LZTR1: variants seen among roughly 807,000 people sequenced by gnomAD.
LZTR1 encodes leucine-zipper-like transcriptional regulator 1.
Under a neutral mutation model 105.7 loss-of-function variants are expected in LZTR1, and 260 were observed. The ratio of observed to expected loss-of-function variants is 2.46; its 90% CI spans 2.22 to 2.72. The LOEUF is 2.72. Ranked by LOEUF, LZTR1 falls within the 30% of genes most tolerant of loss-of-function variation. The pLI, the probability that LZTR1 is intolerant of heterozygous loss-of-function variation, is 0.00. For synonymous variants in LZTR1, 490 were observed against 476.4 expected (o/e 1.03, Z -0.37); for missense variants, 1,214 against 1,166.9 (o/e 1.04, Z -0.59).
In LZTR1 at chr22:20,995,815, T is replaced by G; in HGVS notation, c.2012T>G (p.Leu671Arg). The change falls in exon 17 of 21, where the codon CTG becomes CGG. Residue 671 changes from leucine (L) to arginine (R), a missense_variant. Physicochemically the swap from Leu to Arg is moderately radical, Grantham distance 102. Coordinates refer to ENST00000646124, the MANE Select transcript of LZTR1 (RefSeq NM_006767.4). Reference protein sequence around the residue: ...GAGAEFCDITLLLDGHPRPAH... With the variant: ...GAGAEFCDITRLLDGHPRPAH... ...GGCGCGGAATTCTGTGACATCACTC[T>G]GTTGCTTGACGGGCACCCACGGCCA... The G allele has an allele frequency of 6.2e-7, 1 of 1,613,458 alleles. No individual in the cohort carries two copies. The highest frequency in any genetic ancestry group is 8.5e-7 in the Non-Finnish European group (1 of 1,179,978).
At position 20,992,206 on chromosome 22, in the gene LZTR1, C is replaced by T. The variant is rs1313827596; in HGVS notation, c.994-8C>T. ...CTGGTCTCATGCCCATGTGTCTCCCCTCTTCAGGTTGGTGGGGCTGAAGTG... is the reference window on the plus strand; with the variant it reads ...CTGGTCTCATGCCCATGTGTCTCCCTTCTTCAGGTTGGTGGGGCTGAAGTG... On this transcript the variant is annotated splice_region_variant and splice_polypyrimidine_tract_variant and intron_variant, in intron 9 of 20. Coordinates refer to ENST00000646124, the MANE Select transcript of LZTR1 (RefSeq NM_006767.4). 2.3e-5 allele frequency: 37 copies of T among 1,612,272 alleles called. No homozygotes were observed. The highest frequency in any genetic ancestry group is 3.0e-5 in the Non-Finnish European group (35 of 1,179,192).
At chr22:20,987,477 C>G in intron 3 of LZTR1, 27 bp from the exon 4 acceptor site, 1 of 1,461,918 alleles carries the variant, frequency 6.8e-7, no homozygotes, top group Non-Finnish European at 9.6e-7. Context: ...CCCCCGCTGA[C>G]TCTCACCACC....
Position 20,987,556 on chromosome 22 carries a change from G to C in LZTR1, c.373G>C (p.Val125Leu), listed in dbSNP as rs775434314. Residue 125 changes from valine to leucine, a missense_variant, in exon 4 of 21, where the codon GTC (valine) becomes CTC (leucine). Val to Leu is a conservative substitution (Grantham distance 32). Transcript: ENST00000646124. The stretch of plus-strand genomic sequence containing the variant: ...CCCCCGTTACCACCACTCGGCCGTC[G>C]TCTATGGGAGCAGCATGTTTGTCTT... ...PAPRYHHSAVVYGSSMFVFGG... is the reference protein window; with the variant it reads ...PAPRYHHSAVLYGSSMFVFGG... 11 of 1,614,098 alleles carry C rather than the reference G, an allele frequency of 6.8e-6. No homozygotes were observed. Among genetic ancestry groups the C allele is most frequent in the Non-Finnish European group, 9.3e-6 (11 of 1,180,008 alleles).
intron 8 of LZTR1, chr22:20,991,247 C>T (rs781739625): frequency 4.1e-5 from 9 of 217,402 alleles, no homozygotes; most frequent in African/African-American, 9.1e-5. Context: ...GATGGGGACT[C>T]AGCTGTGGGG....
chr22:20,991,799 G>A lies in LZTR1; in HGVS notation c.963G>A (p.Trp321Ter), dbSNP rs1453114200. Residue 321 changes from tryptophan (W) to a stop codon, truncating the protein, a stop_gained, in exon 9 of 21, where the codon TGG (tryptophan) becomes TGA (stop). Coordinates refer to ENST00000646124, the MANE Select transcript of LZTR1 (RefSeq NM_006767.4). LOFTEE classifies it high-confidence loss of function. ...LHCYDVDFQT[W>*]EVVQPSSDSE... is the part of the protein sequence containing the mutation. ...GCTATGACGTGGACTTCCAGACCTG[G>A]GAGGTCGTCCAGCCCAGCTCCGACA... 3 of 1,551,618 alleles carry A rather than the reference G, an allele frequency of 1.9e-6. No individual in the cohort carries two copies. The highest frequency in any genetic ancestry group is 2.0e-5 in the Admixed American group (1 of 51,046).
chr22:20,996,964 A>G lies in LZTR1; in HGVS notation c.2404A>G (p.Lys802Glu), dbSNP rs878934576. The change falls in exon 20 of 21, where the codon AAG (lysine) becomes GAG (glutamate). Residue 802 changes from lysine to glutamate, a missense_variant and splice_region_variant. Transcript: ENST00000646124. Reference sequence around the variant, plus strand: ...GCACATCATTGTGCACCAGTTCACCAAGGTCAGGGCTCTGGCCTCCCCTTC... The same window carrying G: ...GCACATCATTGTGCACCAGTTCACCGAGGTCAGGGCTCTGGCCTCCCCTTC... ...CLHIIVHQFT[K>E]VSKLPTLRSL... The G allele has an allele frequency of 1.2e-6, 2 of 1,613,662 alleles. No individual in the cohort carries two copies. The highest frequency in any genetic ancestry group is 1.7e-6 in the Non-Finnish European group (2 of 1,179,952).
In LZTR1 at chr22:20,987,319, A is replaced by G. The variant is rs775415930; in HGVS notation, c.321-185A>G. ...TGAGGCAGGACAATCGCTTGAACCC[A>G]GGAGGTGGAGGTTGAGCCGGGATCG... is the stretch of plus-strand genomic sequence containing the variant. On this transcript the variant is annotated intron_variant, in intron 3 of 20. Coordinates refer to ENST00000646124, the MANE Select transcript of LZTR1 (RefSeq NM_006767.4). Among the ~76,000 whole-genome samples the G allele has an allele frequency of 1.4e-4, 21 of 149,768 alleles. No individual in the cohort carries two copies. The Middle Eastern group carries it at 0.014, about 99-fold the overall frequency.
At position 20,997,223 on chromosome 22, in the gene LZTR1, G is replaced by A. The variant is rs779317951; in HGVS notation, c.2407-9G>A. 15 of 1,590,250 alleles carry A rather than the reference G, an allele frequency of 9.4e-6. No homozygotes were observed. Among genetic ancestry groups the A allele is most frequent in the Non-Finnish European group, 1.2e-5 (14 of 1,158,308 alleles). On this transcript the variant is annotated splice_polypyrimidine_tract_variant and intron_variant, in intron 20 of 20. Coordinates refer to ENST00000646124, the MANE Select transcript of LZTR1 (RefSeq NM_006767.4). ...GGTCCCATCTCCTTCCGGCCTGCTT[G>A]CCTTACAGGTCTCCAAGTTGCCCAC...
chr22:20,990,755 C>G (rs1924580727), intron 8 of LZTR1: 2 of 516,812 alleles, frequency 3.9e-6, no homozygotes, highest in Non-Finnish European at 6.9e-6. Context: ...CTGGCTAGGC[C>G]TCCCTCTGAA....
Position 20,987,587 on chromosome 22 carries a change from A to C in LZTR1, c.400+4A>C, listed in dbSNP as rs1924441714. On this transcript the variant is annotated splice_donor_region_variant and intron_variant, in intron 4 of 20. Transcript: ENST00000646124. The stretch of plus-strand genomic sequence containing the variant: ...GGGAGCAGCATGTTTGTCTTTGGTA[A>C]GCAGCCTCTTGCCTCCCAGGGGCTG... The C allele has an allele frequency of 1.2e-6, 2 of 1,613,946 alleles. No homozygotes were observed. The highest frequency in any genetic ancestry group is 1.1e-5 in the South Asian group (1 of 91,082).
At position 20,990,710 on chromosome 22, in the gene LZTR1, A is replaced by G. The variant is rs1331788684; in HGVS notation, c.791+185A>G. ...CCTGGCAGGTCCCCAGGATATGGCT[A>G]CAGCTTAGCAAGATAAGGCCTGGCG... is the stretch of plus-strand genomic sequence containing the variant. On this transcript the variant is annotated intron_variant, in intron 8 of 20. Transcript: ENST00000646124. 4.8e-6 allele frequency: 3 copies of G among 620,776 alleles called. No homozygotes were observed. The East Asian group carries it at 8.7e-5, about 18-fold the overall frequency. The allele number at this position is 620,776 out of a possible 1,614,324, so 38.5% of individuals were successfully genotyped here.
At chr22:20,993,366 AGAGTG>A in intron 11 of LZTR1, 3 of 527,876 alleles carry the variant, frequency 5.7e-6, no homozygotes, top group African/African-American at 1.9e-5. Flanking sequence ...AGGTCCAGGC[AGAGTG>A]GAGACGGCAG....
At position 20,990,530 on chromosome 22, in the gene LZTR1, G is replaced by C. The variant is rs751224673; in HGVS notation, c.791+5G>C. ...GTTTGAATTCAAGGACAAGACGTGA[G>C]TACTCTGGCCAGTGGGGTGGAGGGA... On this transcript the variant is annotated splice_donor_5th_base_variant and intron_variant, in intron 8 of 20. Transcript: ENST00000646124. The C allele has an allele frequency of 1.9e-6, 3 of 1,607,128 alleles. No homozygotes were observed. Among genetic ancestry groups the C allele is most frequent in the Non-Finnish European group, 2.6e-6 (3 of 1,175,822 alleles).
chr22:20,994,349 C>T (rs757610591), intron 14 of LZTR1, 80 bp downstream of exon 14: 1 of 1,486,054 alleles, frequency 6.7e-7, no homozygotes, highest in Non-Finnish European at 9.1e-7. Flanking sequence ...TGCTGCCAGC[C>T]CTGCCTTACT....
Position 20,989,646 on chromosome 22 carries a change from T to A in LZTR1, c.615T>A (p.Ile205=). Residue 205 remains isoleucine (I), a synonymous_variant, in exon 7 of 21, where the codon ATT becomes ATA. Coordinates refer to ENST00000646124, the MANE Select transcript of LZTR1 (RefSeq NM_006767.4). ...ACAGGTTGAATGACATGTGGACAAT[T>A]GGCCTCCAGGACCGAGAGCTCACCT... The part of the protein sequence containing the change: ...GNARLNDMWT[I]GLQDRELTCW... 2 of 1,613,514 alleles carry A rather than the reference T, an allele frequency of 1.2e-6. No individual in the cohort carries two copies. Among genetic ancestry groups the A allele is most frequent in the South Asian group, 2.2e-5 (2 of 91,078 alleles).
chr22:20,990,594 A>G (rs1924573377), intron 8 of LZTR1, 69 bp downstream of exon 8: 1 of 1,496,000 alleles, frequency 6.7e-7, no homozygotes, highest in African/African-American at 1.4e-5. Context: ...AATATGAAGA[A>G]CGCCTCTTGC....
chr22:20,985,861 TC>T lies in LZTR1; in HGVS notation c.286del (p.Leu96CysfsTer5). The part of the protein sequence containing the change: ...GDNGKTMLND[L>X]LRFDVKDCSW... ...TTCAGGAAGACCATGCTCAATGACCTCCTGCGGTTCGATGTGAAAGACTGCT... is the reference window on the plus strand; with the variant it reads ...TTCAGGAAGACCATGCTCAATGACCTCTGCGGTTCGATGTGAAAGACTGCT... On this transcript the variant is annotated frameshift_variant, in exon 3 of 21. Transcript: ENST00000646124. LOFTEE classifies it high-confidence loss of function. 1.2e-6 allele frequency: 2 copies of T among 1,614,164 alleles called. No individual in the cohort carries two copies. Among genetic ancestry groups the T allele is most frequent in the Non-Finnish European group, 1.7e-6 (2 of 1,180,020 alleles).
chr22:20,991,183 G>A (rs1422131638), intron 8 of LZTR1: 1 of 177,246 alleles, frequency 5.6e-6, no homozygotes, highest in Non-Finnish European at 1.2e-5. Context: ...GGGAAGCCTG[G>A]GAGGTGGAAG....
Position 20,987,893 on chromosome 22 carries a change from T to C in LZTR1, c.401-117T>C, listed in dbSNP as rs1014184183. ...AGGCAGCAGGTCGTTCCGGGGCTTG[T>C]GGAAGGAGTCCTGGCTTATGCATTT... On this transcript the variant is annotated intron_variant, in intron 4 of 20. Coordinates refer to ENST00000646124, the MANE Select transcript of LZTR1 (RefSeq NM_006767.4). 1.4e-5 allele frequency: 10 copies of C among 699,728 alleles called. No individual in the cohort carries two copies. The African/African-American group carries it at 1.4e-4, about 10-fold the overall frequency. 43.3% of individuals were successfully genotyped at this position (699,728 alleles called of 1,614,324 possible). A position where few individuals can be genotyped will look rare whatever the true frequency, so the allele number is the denominator to read the frequency against.
Sources: gnomAD v4.1 joint callset for allele counts (sites outside exome capture counted in the v4.1 genomes callset) on GRCh38, gnomAD v4.1.1 for gene constraint, MANE v1.5 for transcripts, NCBI Gene and HGNC (gene_info 2026-07-23, HGNC 2026-07-21) for gene names.